FHIT: variants seen among roughly 807,000 people sequenced by gnomAD.
FHIT encodes the protein fragile histidine triad diadenosine triphosphatase.
Under a neutral mutation model 17.9 loss-of-function variants are expected in FHIT, and 19 were observed. That is an observed-to-expected ratio of 1.06 (90% CI 0.74 to 1.56). FHIT has a LOEUF of 1.56. Ranked by LOEUF, FHIT falls within the 40% of genes most tolerant of loss-of-function variation. FHIT has a pLI of 0.00. For synonymous variants in FHIT, 81 were observed against 69.7 expected (o/e 1.16, Z -0.81); for missense variants, 248 against 189.2 (o/e 1.31, Z -1.82).
chr3:60,900,056 C>T (rs1288714709), intron 3 of FHIT, among the ~76,000 whole-genome samples: 1 of 152,138 alleles, frequency 6.6e-6, no homozygotes, highest in African/African-American at 2.4e-5. Flanking sequence ...AATGGCAATA[C>T]AAAGAAAGAG....
chr3:61,175,107 C>T (rs2038118850), intron 2 of FHIT, among the ~76,000 whole-genome samples: 2 of 152,090 alleles, frequency 1.3e-5, no homozygotes, highest in African/African-American at 4.8e-5. Context: ...TTTACATGCT[C>T]TTATTGTGGC....
chr3:60,117,828 G>T (rs1705046491), intron 5 of FHIT, among the ~76,000 whole-genome samples: 1 of 152,020 alleles, frequency 6.6e-6, no homozygotes, highest in African/African-American at 2.4e-5. Flanking sequence ...TGCTTCCTCT[G>T]TACAACCTTC....
chr3:60,492,301 G>A (rs2034099783), intron 5 of FHIT, among the ~76,000 whole-genome samples: 1 of 151,976 alleles, frequency 6.6e-6, no homozygotes, highest in Non-Finnish European at 1.5e-5. Context: ...GTCTTTCTGT[G>A]GTCACAAAGT....
intron 3 of FHIT, among the ~76,000 whole-genome samples, chr3:60,879,119 G>A (rs1455161009): frequency 1.3e-5 from 2 of 152,188 alleles, no homozygotes; most frequent in Non-Finnish European, 2.9e-5. Flanking sequence ...GTGTAAAAGT[G>A]TTCCTATTTC....
intron 4 of FHIT, among the ~76,000 whole-genome samples, chr3:60,810,022 C>A (rs1019066280): frequency 2.0e-5 from 3 of 152,138 alleles, no homozygotes; most frequent in Admixed American, 6.6e-5. Flanking sequence ...CCACACACTG[C>A]GGTGATGATA....
intron 5 of FHIT, among the ~76,000 whole-genome samples, chr3:60,363,751 C>T (rs1699997286): frequency 6.6e-6 from 1 of 151,952 alleles, no homozygotes; most frequent in African/African-American, 2.4e-5. Context: ...ACAAGCTTCC[C>T]TGGCCCCCCT....
chr3:60,630,280 A>G (rs1312453452), intron 4 of FHIT, among the ~76,000 whole-genome samples: 1 of 152,222 alleles, frequency 6.6e-6, no homozygotes, highest in Non-Finnish European at 1.5e-5. Context: ...AACCAGTGTG[A>G]GGAAGTCGAC....
chr3:61,119,099 T>G (rs1284631548), intron 2 of FHIT, among the ~76,000 whole-genome samples: 1 of 152,198 alleles, frequency 6.6e-6, no homozygotes, highest in Non-Finnish European at 1.5e-5. Flanking sequence ...ATTTAATCAA[T>G]TGATGGCTGC....
intron 4 of FHIT, among the ~76,000 whole-genome samples, chr3:60,584,977 T>C (rs1238252796): frequency 2.0e-5 from 3 of 152,034 alleles, no homozygotes; most frequent in Non-Finnish European, 4.4e-5. Flanking sequence ...AATTTATTTT[T>C]TCTGCATTTG....
intron 3 of FHIT, among the ~76,000 whole-genome samples, chr3:60,933,810 T>C (rs988254230): frequency 6.6e-6 from 1 of 152,358 alleles, no homozygotes; most frequent in Non-Finnish European, 1.5e-5. Flanking sequence ...CCCCTCCCTT[T>C]ACATTTTCTT....
intron 4 of FHIT, among the ~76,000 whole-genome samples, chr3:60,538,060 A>T (rs747406784): frequency 7.9e-5 from 12 of 152,176 alleles, no homozygotes; most frequent in Non-Finnish European, 1.6e-4. Context: ...CTAATGATTG[A>T]CTGGTGTCTA....
chr3:59,792,872 T>TTG (rs370962871), intron 8 of FHIT, among the ~76,000 whole-genome samples: 3 of 134,710 alleles, frequency 2.2e-5, no homozygotes, highest in African/African-American at 5.9e-5. Context: ...CCTTATTTTT[T>TTG]GGGGGGGGGG....
At chr3:60,414,729 A>G (rs1240695608) in intron 5 of FHIT, among the ~76,000 whole-genome samples, 3 of 152,212 alleles carry the variant, frequency 2.0e-5, no homozygotes, top group Non-Finnish European at 4.4e-5. Context: ...CTTCAAACAT[A>G]GAGCGTTCTG....
chr3:60,276,120 C>T (rs1057301533), intron 5 of FHIT, among the ~76,000 whole-genome samples: 4 of 151,682 alleles, frequency 2.6e-5, no homozygotes, highest in South Asian at 4.2e-4. Flanking sequence ...CCTGAGTAGC[C>T]GGGACTATAG....
At chr3:61,145,086 T>C (rs868640434) in intron 2 of FHIT, among the ~76,000 whole-genome samples, 18 of 152,268 alleles carry the variant, frequency 1.2e-4, no homozygotes, top group Middle Eastern at 3.4e-3. Context: ...TCACCTGTGC[T>C]TTTGGTATTG....
At chr3:60,385,769 T>C (rs1700983611) in intron 5 of FHIT, among the ~76,000 whole-genome samples, 1 of 151,916 alleles carries the variant, frequency 6.6e-6, no homozygotes, top group South Asian at 2.1e-4. Flanking sequence ...GTAGAGATGG[T>C]GTCTTACTAC....
At position 60,155,191 on chromosome 3, in the gene FHIT, A is replaced by G. The variant is rs925006499; in HGVS notation, c.104-141039T>C. 3.4e-3 allele frequency among the ~76,000 whole-genome samples: 472 copies of G among 140,134 alleles called. 1 individual carries two copies. The highest frequency in any genetic ancestry group is 0.011 in the African/African-American group (442 of 38,830). 91.9% of individuals were successfully genotyped at this position (140,134 alleles called of 152,430 possible). A position where few individuals can be genotyped will look rare whatever the true frequency, so the allele number is the denominator to read the frequency against. ...ACAGAGTCAAAAAAAAAAAAAAAAA[A>G]GTCACAGAGCTGGTGCCATTCTCCA... On this transcript the variant is annotated intron_variant, in intron 5 of 9. Transcript: ENST00000492590.
At chr3:60,046,034 G>C (rs151131220) in intron 5 of FHIT, among the ~76,000 whole-genome samples, 2 of 152,232 alleles carry the variant, frequency 1.3e-5, no homozygotes, top group African/African-American at 4.8e-5. Context: ...CATCACTAAT[G>C]ATCAGCTGTG....
In FHIT at chr3:59,951,879, T is replaced by G. The variant is rs972802714; in HGVS notation, c.280-29465A>C. On this transcript the variant is annotated intron_variant, in intron 7 of 9. Coordinates refer to ENST00000492590, the MANE Select transcript of FHIT (RefSeq NM_002012.4). ...TGGGATTGGTCTTCTCCTCTCTCCA[T>G]GTCTCTGAAAACATCACTCAACCAC... 2.6e-5 allele frequency among the ~76,000 whole-genome samples: 4 copies of G among 152,178 alleles called. No individual in the cohort carries two copies. The South Asian group carries it at 8.3e-4, about 31-fold the overall frequency.
Sources: allele counts gnomAD v4.1 joint callset (sites outside exome capture counted in the v4.1 genomes callset), GRCh38; gene constraint gnomAD v4.1.1; transcripts MANE v1.5; gene names NCBI Gene and HGNC (gene_info 2026-07-23, HGNC 2026-07-21).